The following DLG2 variants were observed in gnomAD, a reference collection of about 807,000 sequenced individuals.
DLG2 encodes the protein discs large MAGUK scaffold protein 2.
DLG2 carries 45 observed loss-of-function variants against 132.5 expected under a neutral mutation model. That is an observed-to-expected ratio of 0.34 (90% confidence interval 0.27 to 0.44). The LOEUF (loss-of-function observed/expected upper bound fraction) is 0.44, where lower values mean the gene tolerates loss of function less well. DLG2 is among the 20% of genes least tolerant of loss of function. The pLI is 1.00. For missense variants in DLG2, 1,045 were observed against 1,196.9 expected, an observed-to-expected ratio of 0.87 and a Z score of 1.87; for synonymous variants, 424 against 419.6, an observed-to-expected ratio of 1.01 and a Z score of -0.13.
intron 6 of DLG2, among the ~76,000 whole-genome samples, chr11:84,969,581 A>G (rs895662393): frequency 1.3e-5 from 2 of 152,188 alleles, no homozygotes; most frequent in Non-Finnish European, 2.9e-5. Flanking sequence ...CACAAAAGAA[A>G]CTGTCATTTT....
At chr11:84,240,876 T>C (rs993283362) in intron 8 of DLG2, among the ~76,000 whole-genome samples, 1 of 152,162 alleles carries the variant, frequency 6.6e-6, no homozygotes, top group African/African-American at 2.4e-5. Flanking sequence ...CATAATATCC[T>C]AAATATATGA....
chr11:84,687,710 A>C (rs2099739325), intron 6 of DLG2, among the ~76,000 whole-genome samples: 1 of 152,264 alleles, frequency 6.6e-6, no homozygotes, highest in South Asian at 2.1e-4. Flanking sequence ...CCTACCTATC[A>C]GGTTTCATTT....
At chr11:85,433,134 A>C (rs1297480277) in intron 3 of DLG2, among the ~76,000 whole-genome samples, 1 of 152,182 alleles carries the variant, frequency 6.6e-6, no homozygotes, top group Non-Finnish European at 1.5e-5. Flanking sequence ...ATTCATCACC[A>C]TTAGGCCTGC....
At chr11:85,139,113 C>T (rs2076301470) in intron 5 of DLG2, among the ~76,000 whole-genome samples, 1 of 152,096 alleles carries the variant, frequency 6.6e-6, no homozygotes, top group Admixed American at 6.6e-5. Context: ...TCTTCCATCC[C>T]TTCTCCATTA....
intron 6 of DLG2, among the ~76,000 whole-genome samples, chr11:84,536,296 C>T (rs778471892): frequency 5.3e-5 from 8 of 152,048 alleles, no homozygotes; most frequent in East Asian, 1.9e-4. Flanking sequence ...CGGGCATAAG[C>T]GCCAAGACCC....
intron 6 of DLG2, among the ~76,000 whole-genome samples, chr11:85,070,691 T>A (rs1566786990): frequency 6.6e-6 from 1 of 151,856 alleles, no homozygotes; most frequent in South Asian, 2.1e-4. Context: ...GCTTCCTCAC[T>A]ACACTCTACT....
At chr11:85,391,296 T>A (rs1344849813) in intron 3 of DLG2, among the ~76,000 whole-genome samples, 1 of 151,890 alleles carries the variant, frequency 6.6e-6, no homozygotes, top group African/African-American at 2.4e-5. Flanking sequence ...AATGGTAATT[T>A]AAAAGTTGCC....
intron 16 of DLG2, among the ~76,000 whole-genome samples, chr11:83,850,209 A>G (rs796995455): frequency 8.9e-5 from 13 of 146,866 alleles, no homozygotes; most frequent in African/African-American, 3.3e-4. Flanking sequence ...GCTGGAGTGC[A>G]GTGGCGTGAT....
intron 3 of DLG2, among the ~76,000 whole-genome samples, chr11:85,350,702 A>G (rs1185480641): frequency 6.6e-6 from 1 of 152,194 alleles, no homozygotes; most frequent in African/African-American, 2.4e-5. Context: ...CAGGCTTGTC[A>G]AAGATCAGAT....
chr11:84,406,141 T>G (rs2098848118), intron 7 of DLG2, among the ~76,000 whole-genome samples: 2 of 152,028 alleles, frequency 1.3e-5, no homozygotes, highest in Non-Finnish European at 2.9e-5. Context: ...CTCTGAAAAC[T>G]CCCCCTACTG....
At chr11:84,613,041 T>C (rs2099598098) in intron 6 of DLG2, among the ~76,000 whole-genome samples, 1 of 152,210 alleles carries the variant, frequency 6.6e-6, no homozygotes, top group Admixed American at 6.5e-5. Context: ...ATCAAGCTTC[T>C]GTTGAACAAC....
chr11:84,345,690 T>C (rs1216411597), intron 7 of DLG2, among the ~76,000 whole-genome samples: 3 of 152,168 alleles, frequency 2.0e-5, no homozygotes, highest in Non-Finnish European at 2.9e-5. Flanking sequence ...TACTTTGTAA[T>C]GACAGAGTTG....
In DLG2 at chr11:84,197,076, AC is replaced by A. The variant is rs1333752676; in HGVS notation, c.574-33566del. On this transcript the variant is annotated intron_variant, in intron 8 of 27. Coordinates refer to ENST00000376104, the MANE Select transcript of DLG2 (RefSeq NM_001142699.3). The stretch of plus-strand genomic sequence containing the variant: ...AAAAAAGAAAGAAAAGAAAAAAAAA[AC>A]GAAAGAAAGAAATTGAAATAATGAT... Among the ~76,000 whole-genome samples the A allele has an allele frequency of 4.6e-5, 7 of 151,400 alleles. No homozygotes were observed. In the South Asian group the frequency reaches 8.3e-4, roughly 18 times the overall value.
chr11:85,008,166 T>TC lies in DLG2; in HGVS notation c.357+103494_357+103495insG, dbSNP rs201980000. On this transcript the variant is annotated intron_variant, in intron 6 of 27. Coordinates refer to ENST00000376104, the MANE Select transcript of DLG2 (RefSeq NM_001142699.3). ...GAAATGAGTTTTGATATCAAGAGTA[T>TC]ATAAAACTTTTCATTTTATGAAAGT... 2.8e-3 allele frequency among the ~76,000 whole-genome samples: 431 copies of TC among 152,276 alleles called. 7 individuals carry two copies. The highest frequency in any genetic ancestry group is 0.014 in the East Asian group (72 of 5,186).
chr11:83,884,299 T>C (rs1318962083), intron 15 of DLG2, among the ~76,000 whole-genome samples: 1 of 152,198 alleles, frequency 6.6e-6, no homozygotes, highest in Non-Finnish European at 1.5e-5. Flanking sequence ...ATATCCCGCA[T>C]CTGGCTCGGA....
chr11:85,387,559 T>C (rs1173357938), intron 3 of DLG2, among the ~76,000 whole-genome samples: 1 of 152,184 alleles, frequency 6.6e-6, no homozygotes, highest in Non-Finnish European at 1.5e-5. Flanking sequence ...ATGACCAGTG[T>C]ATGTCTAGCA....
chr11:85,280,839 G>A (rs781228090), intron 4 of DLG2, among the ~76,000 whole-genome samples: 7 of 151,762 alleles, frequency 4.6e-5, no homozygotes, highest in African/African-American at 7.3e-5. Context: ...ATCAAACCTC[G>A]GAATAGATGC....
chr11:85,340,483 C>T (rs1387130270), intron 3 of DLG2, among the ~76,000 whole-genome samples: 2 of 147,726 alleles, frequency 1.4e-5, no homozygotes, highest in South Asian at 2.3e-4. Context: ...ACACCAGGGC[C>T]TGTTGGGCGG....
intron 5 of DLG2, among the ~76,000 whole-genome samples, chr11:85,118,173 A>T (rs1408774733): frequency 1.3e-5 from 2 of 152,048 alleles, no homozygotes; most frequent in African/African-American, 4.8e-5. Flanking sequence ...AAGTTGGCCT[A>T]ATTTGTTTCT....
Sources: gnomAD v4.1 joint callset for allele counts (sites outside exome capture counted in the v4.1 genomes callset) on GRCh38, gnomAD v4.1.1 for gene constraint, MANE v1.5 for transcripts, NCBI Gene and HGNC (gene_info 2026-07-23, HGNC 2026-07-21) for gene names.